The following CFAP100 variants were observed in gnomAD, a reference collection of about 807,000 sequenced individuals.
The protein encoded by CFAP100 is cilia and flagella associated protein 100, also known as cilia- and flagella-associated protein 100.
CFAP100 carries 70 observed loss-of-function variants against 81.5 expected under a neutral mutation model. The observed-to-expected ratio is 0.86, with a 90% CI of 0.71 to 1.05. The LOEUF (loss-of-function observed/expected upper bound fraction) is 1.05. Among genes scored for constraint, CFAP100 ranks in the 50% least tolerant of loss-of-function variants. The pLI, the probability that CFAP100 is intolerant of heterozygous loss-of-function variation, is 0.00. For synonymous variants in CFAP100, 341 were observed against 314.8 expected, an observed-to-expected ratio of 1.08 and a Z score of -0.88; for missense variants, 811 against 776.5, an observed-to-expected ratio of 1.04 and a Z score of -0.53.
intron 3 of CFAP100, among the ~76,000 whole-genome samples, chr3:126,413,287 C>A (rs1273206961): frequency 6.6e-6 from 1 of 152,332 alleles, no homozygotes. Flanking sequence ...CACCTCCTTA[C>A]CCCATCCCAC....
chr3:126,425,324 T>A (rs1408915567), intron 13 of CFAP100, among the ~76,000 whole-genome samples: 1 of 152,106 alleles, frequency 6.6e-6, no homozygotes, highest in African/African-American at 2.4e-5. Flanking sequence ...AGCCATCTTT[T>A]CTCAGAAAAA....
intron 2 of CFAP100, among the ~76,000 whole-genome samples, chr3:126,400,389 G>A (rs937990339): frequency 9.9e-5 from 15 of 152,156 alleles, no homozygotes; most frequent in South Asian, 4.1e-4. Flanking sequence ...AGGTGTTGGC[G>A]AGGATGTGGG....
chr3:126,415,409 A>C, intron 4 of CFAP100, among the ~76,000 whole-genome samples: 1 of 121,510 alleles, frequency 8.2e-6, no homozygotes, highest in African/African-American at 3.2e-5. Context: ...CCCAGCATCC[A>C]CCACTCACAA....
rs2083276102 is a variant in CFAP100, at chr3:126,418,462, G to C, written c.423G>C (p.Lys141Asn). The C allele has an allele frequency of 8.7e-6, 14 of 1,613,970 alleles. No homozygotes were observed. The highest frequency in any genetic ancestry group is 1.3e-5 in the African/African-American group (1 of 74,920). The change falls in exon 6 of 17, where the codon AAG becomes AAC. Residue 141 changes from lysine (K) to asparagine (N), a missense_variant. Lys to Asn is a moderately conservative substitution (Grantham distance 94). Coordinates refer to ENST00000352312, the MANE Select transcript of CFAP100 (RefSeq NM_182628.3). ...ACCTCCCTCTTCTTCCAGCAGAAAA[G>C]AATGTGGAGCCTGAGAACATGAGTG... ...TTWKLTLTKE[K>N]NVEPENMSGY...
At chr3:126,401,391 C>T (rs1180594421) in intron 2 of CFAP100, among the ~76,000 whole-genome samples, 4 of 71,822 alleles carry the variant, frequency 5.6e-5, no homozygotes, top group Middle Eastern at 7.7e-3. Flanking sequence ...AATGGCAAAT[C>T]GTATTTTATA....
intron 5 of CFAP100, among the ~76,000 whole-genome samples, chr3:126,417,264 T>C (rs1357799112): frequency 3.3e-5 from 5 of 151,478 alleles, no homozygotes; most frequent in Non-Finnish European, 7.4e-5. Context: ...ATTGTGGGGA[T>C]TGAATGTGCT....
chr3:126,398,371 T>A (rs981964244), intron 2 of CFAP100, among the ~76,000 whole-genome samples: 2 of 152,196 alleles, frequency 1.3e-5, no homozygotes, highest in Admixed American at 6.5e-5. Flanking sequence ...GGAGAGTTTG[T>A]TCCTTGAGCG....
At position 126,419,965 on chromosome 3, in the gene CFAP100, C is replaced by A; in HGVS notation, c.914-15C>A. On this transcript the variant is annotated splice_polypyrimidine_tract_variant and intron_variant, in intron 9 of 16. Transcript: ENST00000352312. Reference sequence around the variant, plus strand: ...GCAGCTGAGGCCATCGGGGCCCCCCCTTTGCTTCCTGCAGGACCAGGGATC... The same window carrying A: ...GCAGCTGAGGCCATCGGGGCCCCCCATTTGCTTCCTGCAGGACCAGGGATC... 6.2e-7 allele frequency: 1 copy of A among 1,612,948 alleles called. No individual in the cohort carries two copies. Among genetic ancestry groups the A allele is most frequent in the Non-Finnish European group, 8.5e-7 (1 of 1,179,898 alleles).
intron 13 of CFAP100, among the ~76,000 whole-genome samples, chr3:126,429,717 A>G (rs1328150456): frequency 6.7e-6 from 1 of 149,192 alleles, no homozygotes; most frequent in Non-Finnish European, 1.5e-5. Flanking sequence ...GCATACAGAA[A>G]CCTCTGAATG....
chr3:126,403,682 C>T (rs1375473867), intron 2 of CFAP100, among the ~76,000 whole-genome samples: 1 of 152,114 alleles, frequency 6.6e-6, no homozygotes, highest in Non-Finnish European at 1.5e-5. Context: ...CGCACCTGGC[C>T]TATTGTATCC....
intron 2 of CFAP100, 49 bp downstream of exon 2, chr3:126,396,098 G>C (rs374571632): frequency 6.9e-7 from 1 of 1,449,620 alleles, no homozygotes; most frequent in Non-Finnish European, 9.7e-7. Context: ...GGGCAGCTTC[G>C]GAGCCTGTCC....
Position 126,436,542 on chromosome 3 carries a change from T to C in CFAP100, c.*138T>C, listed in dbSNP as rs943026682. On this transcript the variant is annotated 3_prime_UTR_variant, in exon 17 of 17. Transcript: ENST00000352312. ...TGCTCCCTTCCTCACCTGAATAAATTCATGTCTCTCTGGAGTCTTGAAGGC... is the reference window on the plus strand; with the variant it reads ...TGCTCCCTTCCTCACCTGAATAAATCCATGTCTCTCTGGAGTCTTGAAGGC... 16 of 641,404 alleles carry C rather than the reference T, an allele frequency of 2.5e-5. No individual in the cohort carries two copies. The African/African-American group carries it at 2.6e-4, about 10-fold the overall frequency. 39.7% of individuals were successfully genotyped at this position (641,404 alleles called of 1,614,324 possible).
At chr3:126,423,260 C>T (rs1409525426) in intron 11 of CFAP100, 65 bp from the exon 12 acceptor site, 31 of 1,372,320 alleles carry the variant, frequency 2.3e-5, no homozygotes, top group Non-Finnish European at 3.1e-5. Flanking sequence ...ACCTCTGTGC[C>T]CCCTCCCCTG....
intron 13 of CFAP100, 129 bp from the exon 14 acceptor site, chr3:126,432,940 G>A (rs1412958089): frequency 3.1e-6 from 3 of 954,542 alleles, no homozygotes; most frequent in African/African-American, 3.3e-5. Context: ...GCAGAGACTT[G>A]GCACCCATGA....
At chr3:126,407,118 T>C in intron 2 of CFAP100, 54 bp from the exon 3 acceptor site, 2 of 1,287,098 alleles carry the variant, frequency 1.6e-6, no homozygotes, top group East Asian at 4.6e-5. Flanking sequence ...GTGTTCACAG[T>C]TCTCATGGGC....
intron 13 of CFAP100, among the ~76,000 whole-genome samples, chr3:126,430,661 A>G (rs1042033812): frequency 6.7e-6 from 1 of 150,114 alleles, no homozygotes; most frequent in African/African-American, 2.5e-5. Flanking sequence ...CATGTGACCT[A>G]TCTCTGAGTT....
In CFAP100 at chr3:126,418,629, C is replaced by T. The variant is rs116174869; in HGVS notation, c.505C>T (p.Arg169Trp). The T allele has an allele frequency of 6.6e-4, 1,059 of 1,601,438 alleles. 10 individuals are homozygous for T. The African/African-American group carries it at 0.012, about 18-fold the overall frequency. The change falls in exon 7 of 17, where the codon CGG becomes TGG. Residue 169 changes from arginine (R) to tryptophan (W), a missense_variant. Transcript: ENST00000352312. ...CCCCCAGTATGCCCTGGATGTCAAG[C>T]GGAGAGAGATCCAGCGGCTGGAGAC... ...FLLQYALDVK[R>W]REIQRLETLA...
At chr3:126,421,917 T>G (rs1366779838) in intron 11 of CFAP100, among the ~76,000 whole-genome samples, 1 of 151,948 alleles carries the variant, frequency 6.6e-6, no homozygotes, top group Admixed American at 6.6e-5. Flanking sequence ...GGAGCAGAGG[T>G]TCTAATGTAT....
chr3:126,418,426 C>T (rs764860938), intron 5 of CFAP100, 32 bp from the exon 6 acceptor site: 76 of 1,611,092 alleles, frequency 4.7e-5, no homozygotes, highest in African/African-American at 3.7e-4. Flanking sequence ...CTGGGCTTCC[C>T]GCTCCTGCTC....
Sources: allele counts gnomAD v4.1 joint callset (sites outside exome capture counted in the v4.1 genomes callset), GRCh38; gene constraint gnomAD v4.1.1; transcripts MANE v1.5; gene names NCBI Gene and HGNC (gene_info 2026-07-23, HGNC 2026-07-21).